Variants in PCDH11X observed in about 807,000 individuals in gnomAD.
PCDH11X encodes the protein protocadherin 11 X-linked.
PCDH11X carries 18 observed loss-of-function variants against 53.3 expected under a neutral mutation model. That is an observed-to-expected ratio of 0.34 (90% CI 0.23 to 0.50). The LOEUF (loss-of-function observed/expected upper bound fraction) is 0.50, where lower values mean the gene tolerates loss of function less well. PCDH11X is among the 20% of genes least tolerant of loss of function. The probability of loss-of-function intolerance (pLI) is 0.98; values close to 1 mark genes in which losing one functional copy is unlikely to be tolerated. For missense variants in PCDH11X, 570 were observed against 1,032.4 expected (o/e 0.55, Z 6.14); for synonymous variants, 279 against 393.3 (o/e 0.71, Z 3.44).
chrX:92,403,339 G>GTTTTTT (rs1191277649), intron 9 of PCDH11X, among the ~76,000 whole-genome samples: 23 of 49,344 alleles, frequency 4.7e-4, no homozygotes, highest in African/African-American at 8.4e-4. Context: ...GTTTTTTTTT[G>GTTTTTT]TTTTTTTTTT....
Position 92,463,369 on chromosome X carries a change from C to A in PCDH11X, c.3344-4930C>A, listed in dbSNP as rs749380152. Among the ~76,000 whole-genome samples, 207 of 110,255 alleles carry A rather than the reference C, an allele frequency of 1.9e-3. 1 individual carries two copies. Among genetic ancestry groups the A allele is most frequent in the African/African-American group, 6.4e-3 (194 of 30,289 alleles). On this transcript the variant is annotated intron_variant, in intron 9 of 10. Coordinates refer to ENST00000682573, the MANE Select transcript of PCDH11X (RefSeq NM_032968.5). The stretch of plus-strand genomic sequence containing the variant: ...ATTTTCCAAATGTATAATCTAAAAG[C>A]ACTGATCTGTTGATACTCCCTGCAA...
At chrX:92,003,322 A>T (rs1005734851) in intron 6 of PCDH11X, among the ~76,000 whole-genome samples, 2 of 106,133 alleles carry the variant, frequency 1.9e-5, no homozygotes, top group Non-Finnish European at 3.9e-5. Flanking sequence ...TACTCATCAG[A>T]GATATTGGCC....
rs1388853414 is a variant in PCDH11X at position 92,619,081 on chromosome X, A to G, written c.*141A>G. On this transcript the variant is annotated 3_prime_UTR_variant, in exon 11 of 11. Transcript: ENST00000682573. ...GATACCAGAATAAATCTACAGCTAG[A>G]CCCTTAGTCAATAGTTAACCAAAAA... 1 of 709,695 alleles carries G rather than the reference A, an allele frequency of 1.4e-6. No homozygotes were observed. Among genetic ancestry groups the G allele is most frequent in the African/African-American group, 2.2e-5 (1 of 45,619 alleles). 58.5% of individuals were successfully genotyped at this position (709,695 alleles called of 1,213,427 possible). A position where few individuals can be genotyped will look rare whatever the true frequency, so the allele number is the denominator to read the frequency against.
intron 8 of PCDH11X, among the ~76,000 whole-genome samples, chrX:92,284,459 C>T (rs1459029257): frequency 1.8e-5 from 2 of 112,030 alleles, no homozygotes; most frequent in Non-Finnish European, 3.8e-5. Context: ...TGTAAAGTTT[C>T]TTGCTTTATA....
chrX:91,887,277 T>A (rs746061337), intron 6 of PCDH11X, among the ~76,000 whole-genome samples: 1 of 111,309 alleles, frequency 9.0e-6, no homozygotes, highest in East Asian at 2.8e-4. Flanking sequence ...TAGGTGCTTT[T>A]GTGTAATAAA....
At chrX:92,460,546 C>T in intron 9 of PCDH11X, 1 of 760,745 alleles carries the variant, frequency 1.3e-6, no homozygotes, top group Non-Finnish European at 2.0e-6. Flanking sequence ...AGATGACGCT[C>T]ACAGAGCTGA....
intron 10 of PCDH11X, among the ~76,000 whole-genome samples, chrX:92,479,116 C>T (rs1406146395): frequency 1.8e-5 from 2 of 111,541 alleles, no homozygotes; most frequent in African/African-American, 6.5e-5. Flanking sequence ...TTATGTGATG[C>T]CCATCTTTGT....
chrX:92,166,373 G>A (rs1336238999), intron 6 of PCDH11X, among the ~76,000 whole-genome samples: 4 of 109,316 alleles, frequency 3.7e-5, no homozygotes, highest in African/African-American at 1.3e-4. Flanking sequence ...TATGACTTTG[G>A]ATGTCAGAAA....
At position 92,353,265 on chromosome X, in the gene PCDH11X, C is replaced by A. The variant is rs772928940; in HGVS notation, c.3145-34470C>A. 4.5e-5 allele frequency among the ~76,000 whole-genome samples: 5 copies of A among 112,065 alleles called. No individual in the cohort carries two copies. The East Asian group carries it at 1.4e-3, about 32-fold the overall frequency. On this transcript the variant is annotated intron_variant, in intron 8 of 10. Coordinates refer to ENST00000682573, the MANE Select transcript of PCDH11X (RefSeq NM_032968.5). ...TATTTCACTGATGGCAGGTTTTGAA[C>A]TCCATAGATGATTTTCAATTCAAAG...
At chrX:92,052,632 T>C (rs1384069875) in intron 6 of PCDH11X, among the ~76,000 whole-genome samples, 32 of 70,458 alleles carry the variant, frequency 4.5e-4, no homozygotes, top group African/African-American at 1.6e-3. Flanking sequence ...ACAAACATTC[T>C]ATAACATCCT....
chrX:92,351,782 G>A (rs1304434696), intron 8 of PCDH11X, among the ~76,000 whole-genome samples: 11 of 111,523 alleles, frequency 9.9e-5, no homozygotes, highest in South Asian at 3.8e-4. Flanking sequence ...CTTCCGTTGC[G>A]TTGGGTATGG....
intron 10 of PCDH11X, among the ~76,000 whole-genome samples, chrX:92,596,909 A>G (rs1374770927): frequency 9.1e-6 from 1 of 110,146 alleles, no homozygotes; most frequent in Non-Finnish European, 1.9e-5. Flanking sequence ...GTTCAGCATA[A>G]GCAAATCAAT....
At chrX:92,150,803 A>T (rs1327273478) in intron 6 of PCDH11X, among the ~76,000 whole-genome samples, 1 of 109,810 alleles carries the variant, frequency 9.1e-6, no homozygotes, top group Admixed American at 9.6e-5. Context: ...TTTGGCATTA[A>T]TATGAGTGGT....
intron 1 of PCDH11X, among the ~76,000 whole-genome samples, chrX:91,801,937 A>G (rs17320664): frequency 0.25 from 27,770 of 112,363 alleles, 2,467 homozygotes; most frequent in East Asian, 0.31. Context: ...TTGAAAGTAC[A>G]CTGATGCATT....
intron 7 of PCDH11X, among the ~76,000 whole-genome samples, chrX:92,222,144 A>T (rs776088221): frequency 9.5e-6 from 1 of 105,220 alleles, no homozygotes; most frequent in Non-Finnish European, 2.0e-5. Flanking sequence ...TCTTCAATAG[A>T]TTTTTTTTTT....
At chrX:91,909,082 A>C (rs746476779) in intron 6 of PCDH11X, among the ~76,000 whole-genome samples, 2 of 111,071 alleles carry the variant, frequency 1.8e-5, no homozygotes, top group South Asian at 7.6e-4. Context: ...AGAAAACAGC[A>C]CATTATTAAA....
intron 7 of PCDH11X, among the ~76,000 whole-genome samples, chrX:92,213,318 T>C (rs2066625701): frequency 2.7e-5 from 3 of 111,946 alleles, no homozygotes; most frequent in Admixed American, 1.9e-4. Flanking sequence ...AACGGCATTA[T>C]ATTAAGTGCT....
intron 6 of PCDH11X, among the ~76,000 whole-genome samples, chrX:91,930,369 A>G (rs1942085296): frequency 9.3e-6 from 1 of 107,822 alleles, no homozygotes; most frequent in African/African-American, 3.4e-5. Context: ...AAAGGAAATC[A>G]TCTCTCCTAA....
intron 9 of PCDH11X, among the ~76,000 whole-genome samples, chrX:92,411,531 T>G (rs1288501231): frequency 2.8e-5 from 3 of 108,662 alleles, no homozygotes; most frequent in African/African-American, 1.0e-4. Flanking sequence ...ATGCAGTATT[T>G]GGTTTTCCGT....
Sources: gnomAD v4.1 joint callset for allele counts (sites outside exome capture counted in the v4.1 genomes callset) on GRCh38, gnomAD v4.1.1 for gene constraint, MANE v1.5 for transcripts, NCBI Gene and HGNC (gene_info 2026-07-23, HGNC 2026-07-21) for gene names.